IGLL5: variants seen among roughly 807,000 people sequenced by gnomAD.
The protein encoded by IGLL5 is immunoglobulin lambda like polypeptide 5.
A neutral mutation model predicts 20.9 loss-of-function variants in IGLL5; 30 were observed. That is an observed-to-expected ratio of 1.44 (90% confidence interval 1.07 to 1.95). IGLL5 has a LOEUF of 1.95. IGLL5 is among the 30% of genes most tolerant of loss of function. The pLI is 0.00. For missense variants in IGLL5, 475 were observed against 270.7 expected (o/e 1.75, Z -5.30); for synonymous variants, 203 against 117.3 (o/e 1.73, Z -4.72).
At chr22:22,894,745 G>C (rs566482755) in intron 2 of IGLL5, among the ~76,000 whole-genome samples, 1 of 151,404 alleles carries the variant, frequency 6.6e-6, no homozygotes, top group African/African-American at 2.4e-5. Context: ...GAAGGGTTCT[G>C]TGGTCGGGCT....
At chr22:22,894,302 A>C (rs960880607) in intron 2 of IGLL5, among the ~76,000 whole-genome samples, 1 of 151,192 alleles carries the variant, frequency 6.6e-6, no homozygotes. Context: ...CGGCCTGGTG[A>C]CACAGAGGTC....
chr22:22,894,577 A>C (rs147596882), intron 2 of IGLL5, among the ~76,000 whole-genome samples: 1 of 151,442 alleles, frequency 6.6e-6, no homozygotes, highest in East Asian at 2.0e-4. Flanking sequence ...CTCAAAGGGC[A>C]TGTTAGACTC....
chr22:22,889,208 G>A (rs2067696996), intron 1 of IGLL5, among the ~76,000 whole-genome samples: 1 of 151,196 alleles, frequency 6.6e-6, no homozygotes, highest in African/African-American at 2.4e-5. Flanking sequence ...GATCCTGGAG[G>A]AAGCCGTGCC....
rs529042130 is a variant in IGLL5 at position 22,894,547 on chromosome 22, C to T, written c.325+729C>T. Among the ~76,000 whole-genome samples the T allele has an allele frequency of 2.5e-4, 38 of 151,540 alleles. No individual in the cohort carries two copies. In the East Asian group the frequency reaches 3.4e-3, roughly 14 times the overall value. The stretch of plus-strand genomic sequence containing the variant: ...CTGGGGCCCAGTGTCTCTCTGTTCA[C>T]GGATCGGCCTCCTGCCTTCCTCAAA... On this transcript the variant is annotated intron_variant, in intron 2 of 2. Coordinates refer to ENST00000526893, the MANE Select transcript of IGLL5 (RefSeq NM_001178126.2).
chr22:22,888,251 G>A lies in IGLL5; in HGVS notation c.198G>A (p.Leu66=), dbSNP rs758705312. 1.1e-5 allele frequency: 17 copies of A among 1,547,576 alleles called. No homozygotes were observed. The highest frequency in any genetic ancestry group is 1.1e-4 in the South Asian group (9 of 83,916). The part of the protein sequence containing the change: ...VGSSRSSLRS[L]WGRLLLQPSP... ...GCAGCCGATCCAGCCTGCGGAGCCTGTGGGGCAGGTAAGGGGCAAGAGATT... is the reference window on the plus strand; with the variant it reads ...GCAGCCGATCCAGCCTGCGGAGCCTATGGGGCAGGTAAGGGGCAAGAGATT... Residue 66 remains leucine, a synonymous_variant, in exon 1 of 3, where the codon CTG becomes CTA. Coordinates refer to ENST00000526893, the MANE Select transcript of IGLL5 (RefSeq NM_001178126.2).
Position 22,896,023 on chromosome 22 carries a change from CCT to C in IGLL5, c.*330_*331del. The C allele has an allele frequency of 2.0e-6, 1 of 507,400 alleles. No homozygotes were observed. The highest frequency in any genetic ancestry group is 3.3e-5 in the Admixed American group (1 of 30,664). 31.4% of individuals were successfully genotyped at this position (507,400 alleles called of 1,614,324 possible). A position where few individuals can be genotyped will look rare whatever the true frequency, so the allele number is the denominator to read the frequency against. On this transcript the variant is annotated 3_prime_UTR_variant, in exon 3 of 3. Coordinates refer to ENST00000526893, the MANE Select transcript of IGLL5 (RefSeq NM_001178126.2). ...CCCTTCTCCAACTCTCCACTGTACC[CCT>C]GAGCTACCAGTCTGGCATCAGTTCA...
intron 1 of IGLL5, 150 bp downstream of exon 1, chr22:22,888,409 T>A (rs1305506821): frequency 7.8e-6 from 5 of 643,192 alleles, no homozygotes; most frequent in Middle Eastern, 4.3e-4. Flanking sequence ...GGGTTGATAT[T>A]TTGTCCATCA....
At chr22:22,888,280 G>T (rs568253274) in intron 1 of IGLL5, 21 bp downstream of exon 1, 1 of 1,543,286 alleles carries the variant, frequency 6.5e-7, no homozygotes, top group African/African-American at 1.4e-5. Flanking sequence ...AGAGATTCCA[G>T]GGGATGTGGG....
At chr22:22,889,053 A>C (rs546223127) in intron 1 of IGLL5, among the ~76,000 whole-genome samples, 1 of 151,380 alleles carries the variant, frequency 6.6e-6, no homozygotes, top group African/African-American at 2.4e-5. Context: ...CCAGTCCAGG[A>C]CGAGTCCTTG....
chr22:22,891,436 A>T (rs575312732), intron 1 of IGLL5, among the ~76,000 whole-genome samples: 89 of 151,146 alleles, frequency 5.9e-4, no homozygotes, highest in African/African-American at 2.1e-3. Flanking sequence ...TGATTATTTT[A>T]GCTTTATGGT....
At chr22:22,889,003 G>A (rs575097775) in intron 1 of IGLL5, among the ~76,000 whole-genome samples, 3 of 151,432 alleles carry the variant, frequency 2.0e-5, no homozygotes, top group East Asian at 2.0e-4. Context: ...GGGTGACTGG[G>A]AAGGGGAGGC....
At chr22:22,888,747 A>G (rs543218080) in intron 1 of IGLL5, among the ~76,000 whole-genome samples, 4 of 151,380 alleles carry the variant, frequency 2.6e-5, no homozygotes, top group East Asian at 2.0e-4. Flanking sequence ...ACCAACTTGC[A>G]CATAAATGCT....
intron 2 of IGLL5, among the ~76,000 whole-genome samples, chr22:22,894,214 A>T (rs190410813): frequency 2.0e-5 from 3 of 151,222 alleles, no homozygotes; most frequent in East Asian, 2.0e-4. Flanking sequence ...TGAGTCTCAT[A>T]GTCTAGGGGA....
chr22:22,895,478 G>C lies in IGLL5; in HGVS notation c.429G>C (p.Pro143=). Residue 143 remains proline (P), a synonymous_variant, in exon 3 of 3, where the codon CCG becomes CCC. Coordinates refer to ENST00000526893, the MANE Select transcript of IGLL5 (RefSeq NM_001178126.2). ...TLVCLISDFY[P]GAVTVAWKAD... Reference sequence around the variant, plus strand: ...TGTGTCTGATCAGTGACTTCTACCCGGGAGCTGTGACAGTGGCCTGGAAGG... The same window carrying C: ...TGTGTCTGATCAGTGACTTCTACCCCGGAGCTGTGACAGTGGCCTGGAAGG... 1.2e-6 allele frequency: 2 copies of C among 1,612,740 alleles called. No individual in the cohort carries two copies. Among genetic ancestry groups the C allele is most frequent in the African/African-American group, 1.3e-5 (1 of 74,856 alleles).
chr22:22,889,181 A>G (rs2067693948), intron 1 of IGLL5, among the ~76,000 whole-genome samples: 2 of 151,164 alleles, frequency 1.3e-5, no homozygotes, highest in Middle Eastern at 3.7e-3. Flanking sequence ...GTGATGGCCA[A>G]GTCCAGGGTA....
intron 2 of IGLL5, 40 bp downstream of exon 2, chr22:22,893,858 TG>T: frequency 7.5e-7 from 1 of 1,336,272 alleles, no homozygotes; most frequent in East Asian, 2.3e-5. Context: ...TCTCACCCTC[TG>T]CTGTCCCTGG....
chr22:22,894,381 G>A (rs569587621), intron 2 of IGLL5, among the ~76,000 whole-genome samples: 15 of 151,420 alleles, frequency 9.9e-5, no homozygotes, highest in South Asian at 8.4e-4. Context: ...TGTGGCCTGT[G>A]CTGGGTCATG....
At chr22:22,893,328 G>C (rs2067906648) in intron 1 of IGLL5, among the ~76,000 whole-genome samples, 2 of 151,202 alleles carry the variant, frequency 1.3e-5, no homozygotes, top group African/African-American at 4.9e-5. Flanking sequence ...GAATGACCCA[G>C]TGCTCTCAAT....
intron 2 of IGLL5, among the ~76,000 whole-genome samples, chr22:22,894,318 A>T (rs538267050): frequency 2.6e-5 from 4 of 151,362 alleles, no homozygotes; most frequent in East Asian, 2.0e-4. Context: ...AGGTCACCCC[A>T]AGGGGAGACC....
Sources: allele counts gnomAD v4.1 joint callset (sites outside exome capture counted in the v4.1 genomes callset), GRCh38; gene constraint gnomAD v4.1.1; transcripts MANE v1.5; gene names NCBI Gene and HGNC (gene_info 2026-07-23, HGNC 2026-07-21).